The following FGL1 variants were observed in gnomAD, a reference collection of about 807,000 sequenced individuals.
The protein encoded by FGL1 is fibrinogen-like protein 1.
A neutral mutation model predicts 43.7 loss-of-function variants in FGL1; 59 were observed. The observed-to-expected ratio is 1.35, with a 90% CI of 1.10 to 1.68. The LOEUF is 1.68. Among genes scored for constraint, FGL1 ranks in the 40% most tolerant of loss-of-function variants. FGL1 has a pLI of 0.00. For synonymous variants in FGL1, 192 were observed against 126.5 expected (o/e 1.52, Z -3.48); for missense variants, 596 against 373.0 (o/e 1.60, Z -4.92).
Position 17,864,664 on chromosome 8 carries a change from A to C in FGL1, c.867T>G (p.His289Gln), listed in dbSNP as rs773494089. ...CAGATTTCAGAGAATACCACCACCC[A>C]TGCCAGGTGTACCAGACAATCCCAT... The part of the protein sequence containing the change: ...TDNGIVWYTW[H>Q]GWWYSLKSVV... The change falls in exon 8 of 8, where the codon CAT becomes CAG. Residue 289 changes from histidine to glutamine, a missense_variant. By Grantham distance (24) the His-to-Gln change is conservative. Coordinates refer to ENST00000427924, the MANE Select transcript of FGL1 (RefSeq NM_004467.4). 2.5e-6 allele frequency: 4 copies of C among 1,613,690 alleles called. No individual in the cohort carries two copies. The highest frequency in any genetic ancestry group is 1.7e-5 in the Admixed American group (1 of 59,898).
chr8:17,890,356 C>T (rs770295320), intron 1 of FGL1, among the ~76,000 whole-genome samples: 37 of 152,194 alleles, frequency 2.4e-4, no homozygotes, highest in Admixed American at 1.3e-4. Flanking sequence ...CTGTGAGCAT[C>T]CACCTCCTCA....
chr8:17,877,057 GC>G (rs950220131), intron 3 of FGL1, among the ~76,000 whole-genome samples: 1 of 152,158 alleles, frequency 6.6e-6, no homozygotes, highest in African/African-American at 2.4e-5. Context: ...AAGTTAAGAA[GC>G]CTGCTTTGGG....
At chr8:17,882,363 T>C in intron 2 of FGL1, 184 bp from the exon 3 acceptor site, 1 of 524,358 alleles carries the variant, frequency 1.9e-6, no homozygotes, top group Non-Finnish European at 3.3e-6. Flanking sequence ...TTGGAAATTA[T>C]GGCTTATGCG....
Position 17,885,532 on chromosome 8 carries a change from A to G in FGL1, c.23T>C (p.Ile8Thr). Residue 8 changes from isoleucine to threonine, a missense_variant, in exon 2 of 8, where the codon ATC (isoleucine) becomes ACC (threonine). Coordinates refer to ENST00000427924, the MANE Select transcript of FGL1 (RefSeq NM_004467.4). ...CATTGTCAGAGCGGTGGTAACAAGG[A>G]TGAAACTGAACACCTTTGCCATGTT... MAKVFSF[I>T]LVTTALTMGR... 1 of 1,613,946 alleles carries G rather than the reference A, an allele frequency of 6.2e-7. No individual in the cohort carries two copies. The highest frequency in any genetic ancestry group is 2.2e-5 in the East Asian group (1 of 44,880).
At chr8:17,885,420 A>G (rs2073562) in intron 2 of FGL1, 72 bp downstream of exon 2, 813,124 of 1,322,818 alleles carry the variant, frequency 0.61, 261,768 homozygotes, top group Non-Finnish European at 0.68. Context: ...TATAGGTTTA[A>G]TGCAAAATGA....
rs34570292 is a variant in FGL1 at position 17,881,138 on chromosome 8, A to ATTTTT, written c.244+856_244+860dup. 2.8e-5 allele frequency among the ~76,000 whole-genome samples: 4 copies of ATTTTT among 142,932 alleles called. 1 individual carries two copies. The highest frequency in any genetic ancestry group is 1.1e-4 in the African/African-American group (4 of 36,786). 93.8% of individuals were successfully genotyped at this position (142,932 alleles called of 152,430 possible). A position where few individuals can be genotyped will look rare whatever the true frequency, so the allele number is the denominator to read the frequency against. On this transcript the variant is annotated intron_variant, in intron 3 of 7. Coordinates refer to ENST00000427924, the MANE Select transcript of FGL1 (RefSeq NM_004467.4). ...ATTGTAATCTGCCATGTGTACACGG[A>ATTTTT]TTTTTTTTTTTTTTTTGAGACAGAG...
At chr8:17,874,209 A>G in intron 4 of FGL1, 93 bp from the exon 5 acceptor site, 4 of 1,344,850 alleles carry the variant, frequency 3.0e-6, no homozygotes, top group East Asian at 2.3e-5. Context: ...CACCTCCAAT[A>G]TTTTCTTGAT....
At chr8:17,881,424 C>T (rs944182864) in intron 3 of FGL1, among the ~76,000 whole-genome samples, 3 of 151,756 alleles carry the variant, frequency 2.0e-5, no homozygotes, top group African/African-American at 4.8e-5. Context: ...CGTGAGCCAC[C>T]GCACTTGGCT....
At chr8:17,873,645 C>T (rs2053398176) in intron 5 of FGL1, among the ~76,000 whole-genome samples, 1 of 150,976 alleles carries the variant, frequency 6.6e-6, no homozygotes, top group Non-Finnish European at 1.5e-5. Flanking sequence ...ATTATATATC[C>T]TTTTCAGAAG....
At chr8:17,890,899 C>T (rs2053694940) in intron 1 of FGL1, among the ~76,000 whole-genome samples, 1 of 152,070 alleles carries the variant, frequency 6.6e-6, no homozygotes, top group Admixed American at 6.5e-5. Context: ...AATTACCTTC[C>T]ACTGGGTCCA....
chr8:17,894,768 C>T (rs1251860301), intron 1 of FGL1, among the ~76,000 whole-genome samples: 1 of 146,434 alleles, frequency 6.8e-6, no homozygotes, highest in Non-Finnish European at 1.5e-5. Flanking sequence ...TTGATTCTGG[C>T]TCTTGCATAA....
At chr8:17,877,762 G>A (rs1047736074) in intron 3 of FGL1, among the ~76,000 whole-genome samples, 1 of 152,094 alleles carries the variant, frequency 6.6e-6, no homozygotes, top group Non-Finnish European at 1.5e-5. Flanking sequence ...TATCCTTTGT[G>A]TTACAAACAA....
intron 1 of FGL1, among the ~76,000 whole-genome samples, chr8:17,894,166 G>A (rs1311460256): frequency 1.4e-5 from 2 of 146,876 alleles, no homozygotes; most frequent in Non-Finnish European, 3.0e-5. Context: ...CAAAACAGAA[G>A]TACATTAGTA....
At chr8:17,866,059 A>G (rs1401728697) in intron 7 of FGL1, among the ~76,000 whole-genome samples, 1 of 152,370 alleles carries the variant, frequency 6.6e-6, no homozygotes, top group East Asian at 1.9e-4. Context: ...TCTCCAGAAT[A>G]TATATTTTGG....
chr8:17,891,628 C>T (rs1341417690), intron 1 of FGL1: 1 of 964,396 alleles, frequency 1.0e-6, no homozygotes, highest in African/African-American at 1.8e-5. Context: ...CTGAACCTAG[C>T]ACAGGTACTC....
chr8:17,879,068 G>A (rs567239078), intron 3 of FGL1, among the ~76,000 whole-genome samples: 1 of 150,864 alleles, frequency 6.6e-6, no homozygotes, highest in African/African-American at 2.4e-5. Flanking sequence ...CTTCATGCTT[G>A]TAATTAATAT....
At chr8:17,885,459 T>C (rs2053613283) in intron 2 of FGL1, 33 bp downstream of exon 2, 1 of 1,529,374 alleles carries the variant, frequency 6.5e-7, no homozygotes, top group African/African-American at 1.4e-5. Context: ...GCAGGCATTA[T>C]AAATATGACA....
Position 17,892,828 on chromosome 8 carries a change from T to A in FGL1, c.-18+2619A>T, listed in dbSNP as rs2129442392. Among the ~76,000 whole-genome samples, 2 of 152,290 alleles carry A rather than the reference T, an allele frequency of 1.3e-5. 1 individual carries two copies. The highest frequency in any genetic ancestry group is 3.9e-4 in the East Asian group (2 of 5,188). On this transcript the variant is annotated intron_variant, in intron 1 of 7. Transcript: ENST00000427924. ...GCTTTAATGTTATTTGTTGAAAAAT[T>A]TTTTTATTTGATTAAAGTTTTCTTA... is the stretch of plus-strand genomic sequence containing the variant.
At chr8:17,877,269 C>T (rs2053470326) in intron 3 of FGL1, among the ~76,000 whole-genome samples, 1 of 151,958 alleles carries the variant, frequency 6.6e-6, no homozygotes, top group Non-Finnish European at 1.5e-5. Flanking sequence ...TGAATATTTA[C>T]ATAATACTAG....
Sources: gnomAD v4.1 joint callset for allele counts (sites outside exome capture counted in the v4.1 genomes callset) on GRCh38, gnomAD v4.1.1 for gene constraint, MANE v1.5 for transcripts, NCBI Gene and HGNC (gene_info 2026-07-23, HGNC 2026-07-21) for gene names.